Variants in PCCA observed in about 807,000 individuals in gnomAD.
PCCA encodes propionyl-CoA carboxylase alpha chain, mitochondrial.
In PCCA, 74 loss-of-function variants were observed where a neutral mutation model predicts 101.3. The ratio of observed to expected loss-of-function variants is 0.73; its 90% confidence interval spans 0.61 to 0.89. PCCA has a LOEUF of 0.89. Among genes scored for constraint, PCCA ranks in the 40% least tolerant of loss-of-function variants. PCCA has a pLI of 0.00. For synonymous variants in PCCA, 294 were observed against 313.6 expected (o/e 0.94, Z 0.66); for missense variants, 891 against 907.0 (o/e 0.98, Z 0.23).
intron 7 of PCCA, among the ~76,000 whole-genome samples, chr13:100,230,364 G>A (rs1049015407): frequency 2.0e-5 from 3 of 151,996 alleles, no homozygotes; most frequent in African/African-American, 7.3e-5. Flanking sequence ...GCCAAAAATG[G>A]TGAAACCCTG....
At chr13:100,462,256 A>G (rs2082211448) in intron 21 of PCCA, among the ~76,000 whole-genome samples, 4 of 152,252 alleles carry the variant, frequency 2.6e-5, no homozygotes, top group African/African-American at 7.2e-5. Context: ...CTTTTGGAAT[A>G]TAACTACGTT....
chr13:100,151,601 C>A (rs9300592), intron 4 of PCCA, among the ~76,000 whole-genome samples: 83,762 of 150,984 alleles, frequency 0.55, 24,662 homozygotes, highest in African/African-American at 0.75. Context: ...AAAAAAAAAA[C>A]CAAACAAACA....
intron 12 of PCCA, among the ~76,000 whole-genome samples, chr13:100,283,447 G>A (rs981254456): frequency 2.0e-5 from 3 of 152,130 alleles, no homozygotes; most frequent in African/African-American, 4.8e-5. Context: ...CCATAACTCA[G>A]GGAAAGGAAG....
chr13:100,422,070 T>TTTCTTTCTTTCTTTCTTTCTTTCTTTC lies in PCCA; in HGVS notation c.1747-3561_1747-3560insCTTTCTTTCTTTCTTTCTTTCTTTCTT, dbSNP rs10668689. On this transcript the variant is annotated intron_variant, in intron 19 of 23. Transcript: ENST00000376285. ...TCTTTTCCTTTTCTCTTCTCTTTTC[T>TTTCTTTCTTTCTTTCTTTCTTTCTTTC]TTTCTTTCTTTCTTTCTTTCTTTCT... Among the ~76,000 whole-genome samples, 75 of 110,706 alleles carry TTTCTTTCTTTCTTTCTTTCTTTCTTTC rather than the reference T, an allele frequency of 6.8e-4. 3 individuals are homozygous for TTTCTTTCTTTCTTTCTTTCTTTCTTTC. Among genetic ancestry groups the TTTCTTTCTTTCTTTCTTTCTTTCTTTC allele is most frequent in the East Asian group, 1.4e-3 (5 of 3,702 alleles). The allele number at this position is 110,706 out of a possible 152,430, so 72.6% of individuals were successfully genotyped here.
chr13:100,504,658 C>T (rs950683644), intron 21 of PCCA, among the ~76,000 whole-genome samples: 4 of 152,194 alleles, frequency 2.6e-5, no homozygotes, highest in African/African-American at 4.8e-5. Context: ...ACTTACTGGC[C>T]GGGCACCGTG....
intron 4 of PCCA, among the ~76,000 whole-genome samples, chr13:100,118,856 G>A (rs1350106674): frequency 6.6e-6 from 1 of 151,772 alleles, no homozygotes; most frequent in African/African-American, 2.4e-5. Context: ...AGCCAGTAAT[G>A]TTATTTTTTT....
chr13:100,212,514 C>A (rs565497522), intron 7 of PCCA, among the ~76,000 whole-genome samples: 1 of 152,258 alleles, frequency 6.6e-6, no homozygotes, highest in South Asian at 2.1e-4. Context: ...TTAACAAATG[C>A]GACTGTGGAG....
At chr13:100,386,859 G>A (rs1365265935) in intron 19 of PCCA, among the ~76,000 whole-genome samples, 1 of 152,196 alleles carries the variant, frequency 6.6e-6, no homozygotes, top group Non-Finnish European at 1.5e-5. Context: ...AAGTGAGAAG[G>A]ATACATCTCT....
At chr13:100,519,914 T>C (rs965699836) in intron 22 of PCCA, among the ~76,000 whole-genome samples, 5 of 152,258 alleles carry the variant, frequency 3.3e-5, no homozygotes, top group African/African-American at 1.2e-4. Context: ...GGCTGCTTCA[T>C]AGACTTTCCA....
intron 4 of PCCA, among the ~76,000 whole-genome samples, chr13:100,150,295 G>A (rs565027667): frequency 1.3e-5 from 2 of 152,270 alleles, no homozygotes; most frequent in East Asian, 3.9e-4. Flanking sequence ...GCCTCCCAAA[G>A]TGCTGGGATT....
chr13:100,506,047 A>G (rs1226794780), intron 21 of PCCA, among the ~76,000 whole-genome samples: 1 of 152,196 alleles, frequency 6.6e-6, no homozygotes, highest in African/African-American at 2.4e-5. Context: ...TTTAGAGTTG[A>G]CATCTGTCTG....
chr13:100,267,066 A>T (rs1270449097), intron 10 of PCCA, among the ~76,000 whole-genome samples: 3 of 152,206 alleles, frequency 2.0e-5, no homozygotes, highest in Non-Finnish European at 4.4e-5. Context: ...CAGAATTTTT[A>T]AAAAATGAAC....
intron 8 of PCCA, among the ~76,000 whole-genome samples, chr13:100,246,277 G>A (rs1449300936): frequency 6.7e-6 from 1 of 150,114 alleles, no homozygotes; most frequent in East Asian, 1.9e-4. Context: ...TTTCTGCTAT[G>A]ATTTTGACTC....
chr13:100,307,889 C>T lies in PCCA; in HGVS notation c.1353+629C>T, dbSNP rs926829416. On this transcript the variant is annotated intron_variant, in intron 15 of 23. Transcript: ENST00000376285. ...TTATTATTTTTTTGAGATGGAGTCT[C>T]GCTCTGTCCGCCAGCCTGGAGTGCA... Among the ~76,000 whole-genome samples, 10 of 152,118 alleles carry T rather than the reference C, an allele frequency of 6.6e-5. 1 individual carries two copies. The highest frequency in any genetic ancestry group is 6.2e-4 in the South Asian group (3 of 4,828).
chr13:100,441,184 AATT>A, intron 20 of PCCA, among the ~76,000 whole-genome samples: 1 of 152,280 alleles, frequency 6.6e-6, no homozygotes, highest in African/African-American at 2.4e-5. Context: ...TTAACTAGAA[AATT>A]ATATTTTCGT....
chr13:100,466,614 G>T (rs1217283500), intron 21 of PCCA, among the ~76,000 whole-genome samples: 2 of 152,162 alleles, frequency 1.3e-5, no homozygotes, highest in Non-Finnish European at 2.9e-5. Flanking sequence ...GAAAGAATTA[G>T]TGGATAGGTT....
At position 100,515,537 on chromosome 13, in the gene PCCA, G is replaced by A. The variant is rs1343608733; in HGVS notation, c.2010G>A (p.Val670=). The A allele has an allele frequency of 6.2e-7, 1 of 1,613,980 alleles. No individual in the cohort carries two copies. Among genetic ancestry groups the A allele is most frequent in the Admixed American group, 1.7e-5 (1 of 60,004 alleles). ...TGCGTTCCCCGATGCCCGGAGTGGT[G>A]GTGGCCGTCTCTGTCAAGCCTGGAG... ...SVLRSPMPGV[V]VAVSVKPGDA... is the part of the protein sequence containing the mutation. Residue 670 remains valine (V), a synonymous_variant, in exon 22 of 24, where the codon GTG becomes GTA. Transcript: ENST00000376285.
chr13:100,187,008 C>G (rs1426797229), intron 6 of PCCA, among the ~76,000 whole-genome samples: 1 of 152,020 alleles, frequency 6.6e-6, no homozygotes, highest in Non-Finnish European at 1.5e-5. Context: ...CTTATGTAAA[C>G]ATTAGTGTTA....
At chr13:100,235,912 G>A (rs781382780) in intron 8 of PCCA, 34 bp downstream of exon 8, 1 of 1,407,682 alleles carries the variant, frequency 7.1e-7, no homozygotes. Context: ...TAGGATTTCT[G>A]TGTCTTTCAG....
Sources: allele counts gnomAD v4.1 joint callset (sites outside exome capture counted in the v4.1 genomes callset), GRCh38; gene constraint gnomAD v4.1.1; transcripts MANE v1.5; gene names NCBI Gene and HGNC (gene_info 2026-07-23, HGNC 2026-07-21).